ASIC2: variants seen among roughly 807,000 people sequenced by gnomAD.
ASIC2 encodes the protein acid sensing ion channel subunit 2, also known as acid-sensing ion channel 2.
In ASIC2, 25 loss-of-function variants were observed where a neutral mutation model predicts 57.3. The ratio of observed to expected loss-of-function variants is 0.44; its 90% CI spans 0.32 to 0.61. The LOEUF (loss-of-function observed/expected upper bound fraction) is 0.61, where lower values mean the gene tolerates loss of function less well. Among genes scored for constraint, ASIC2 ranks in the 20% least tolerant of loss-of-function variants. ASIC2 has a pLI of 0.06. For missense variants in ASIC2, 641 were observed against 738.1 expected (o/e 0.87, Z 1.52); for synonymous variants, 319 against 307.5 (o/e 1.04, Z -0.39).
rs1165800249 is a variant in ASIC2 at position 33,397,986 on chromosome 17, C to T, written c.556-285919G>A. On this transcript the variant is annotated intron_variant, in intron 1 of 9. Transcript: ENST00000359872. ...ATCAGGATCATAGTGGAAAAAAAAT[C>T]TTAGAGTGTGAAGTTTCACATGATG... Among the ~76,000 whole-genome samples, 3 of 152,200 alleles carry T rather than the reference C, an allele frequency of 2.0e-5. No individual in the cohort carries two copies. In the East Asian group the frequency reaches 5.8e-4, roughly 29 times the overall value.
intron 1 of ASIC2, among the ~76,000 whole-genome samples, chr17:33,154,739 T>C (rs1397782817): frequency 6.6e-6 from 1 of 152,210 alleles, no homozygotes; most frequent in East Asian, 1.9e-4. Flanking sequence ...CCAAACATGC[T>C]TGGAGCTTTT....
chr17:33,525,524 G>A (rs1914862276), intron 1 of ASIC2, among the ~76,000 whole-genome samples: 1 of 152,202 alleles, frequency 6.6e-6, no homozygotes, highest in Admixed American at 6.5e-5. Flanking sequence ...CCAACCTGGT[G>A]TAATTCCAGC....
intron 1 of ASIC2, among the ~76,000 whole-genome samples, chr17:33,757,927 G>A (rs943720025): frequency 6.6e-6 from 1 of 152,206 alleles, no homozygotes; most frequent in Non-Finnish European, 1.5e-5. Context: ...GAGGGTATGA[G>A]CTGCAGAAGC....
intron 1 of ASIC2, among the ~76,000 whole-genome samples, chr17:33,729,870 C>G (rs1427168877): frequency 6.6e-6 from 1 of 152,000 alleles, no homozygotes; most frequent in East Asian, 1.9e-4. Flanking sequence ...AGAAGTTAAC[C>G]CTAATTATTC....
chr17:33,199,147 AC>A (rs1417846136), intron 1 of ASIC2, among the ~76,000 whole-genome samples: 5 of 152,250 alleles, frequency 3.3e-5, no homozygotes, highest in Non-Finnish European at 7.3e-5. Context: ...TGGGCTGATA[AC>A]CATTTCGGGC....
In ASIC2 at chr17:33,960,334, A is replaced by G. The variant is rs1381657143; in HGVS notation, c.555+195644T>C. Reference sequence around the variant, plus strand: ...AAATCTAGATCTGCCTGGATGCTTCAATCTTTGCACCAATACATTTCCTTT... The same window carrying G: ...AAATCTAGATCTGCCTGGATGCTTCGATCTTTGCACCAATACATTTCCTTT... On this transcript the variant is annotated intron_variant, in intron 1 of 9. Coordinates refer to the ASIC2 transcript ENST00000359872. 2.0e-5 allele frequency among the ~76,000 whole-genome samples: 3 copies of G among 152,190 alleles called. No individual in the cohort carries two copies. In the East Asian group the frequency reaches 5.8e-4, roughly 29 times the overall value.
intron 1 of ASIC2, among the ~76,000 whole-genome samples, chr17:34,120,662 A>T (rs1016660336): frequency 6.7e-6 from 1 of 150,196 alleles, no homozygotes; most frequent in Non-Finnish European, 1.5e-5. Flanking sequence ...GTACTAGTTA[A>T]GACAAGGTTA....
chr17:33,760,282 A>C (rs769892041), intron 1 of ASIC2, among the ~76,000 whole-genome samples: 23 of 151,846 alleles, frequency 1.5e-4, no homozygotes, highest in Non-Finnish European at 3.1e-4. Flanking sequence ...ATTTTATGGA[A>C]TATATATATA....
At chr17:33,568,793 T>C (rs144415971) in intron 1 of ASIC2, among the ~76,000 whole-genome samples, 4 of 152,290 alleles carry the variant, frequency 2.6e-5, no homozygotes, top group African/African-American at 9.6e-5. Flanking sequence ...TTACATATAG[T>C]TAGCAATCAA....
At chr17:33,367,424 T>C (rs1441826700) in intron 1 of ASIC2, among the ~76,000 whole-genome samples, 1 of 152,218 alleles carries the variant, frequency 6.6e-6, no homozygotes, top group Non-Finnish European at 1.5e-5. Context: ...ATCTTTCCAC[T>C]GCTTCTCTCT....
chr17:33,807,716 C>T (rs934944353), intron 1 of ASIC2, among the ~76,000 whole-genome samples: 2 of 152,194 alleles, frequency 1.3e-5, no homozygotes, highest in Non-Finnish European at 2.9e-5. Flanking sequence ...ACTTTTAAAC[C>T]TGCAAATCCA....
chr17:34,037,360 G>C, intron 1 of ASIC2: 1 of 388,284 alleles, frequency 2.6e-6, no homozygotes, highest in East Asian at 4.5e-5. Flanking sequence ...TCCTCACTCA[G>C]AGCAGCCACA....
At chr17:33,105,429 G>A (rs2092231053) in intron 2 of ASIC2, among the ~76,000 whole-genome samples, 1 of 152,206 alleles carries the variant, frequency 6.6e-6, no homozygotes, top group African/African-American at 2.4e-5. Flanking sequence ...CAGCTATGTG[G>A]AACTGTGAGT....
chr17:33,133,404 G>A (rs935570006), intron 1 of ASIC2, among the ~76,000 whole-genome samples: 1 of 152,186 alleles, frequency 6.6e-6, no homozygotes, highest in Non-Finnish European at 1.5e-5. Flanking sequence ...GGTAAAGGTG[G>A]ATTGAGCCAG....
intron 1 of ASIC2, among the ~76,000 whole-genome samples, chr17:33,718,104 G>A (rs1326204028): frequency 2.0e-5 from 3 of 152,096 alleles, no homozygotes; most frequent in Admixed American, 2.0e-4. Context: ...GAATGCTCAA[G>A]TCCCTTATAT....
intron 1 of ASIC2, among the ~76,000 whole-genome samples, chr17:33,738,819 G>A (rs1910007712): frequency 1.3e-5 from 2 of 152,226 alleles, no homozygotes; most frequent in Admixed American, 1.3e-4. Context: ...AAGTCTTTGT[G>A]TGGCTTAGGT....
chr17:33,905,585 T>C (rs569969562), intron 1 of ASIC2, among the ~76,000 whole-genome samples: 1 of 152,268 alleles, frequency 6.6e-6, no homozygotes, highest in Admixed American at 6.5e-5. Context: ...GTAGGGATGC[T>C]AGGGAGAGTA....
At chr17:33,200,052 A>G (rs1906796048) in intron 1 of ASIC2, among the ~76,000 whole-genome samples, 1 of 152,114 alleles carries the variant, frequency 6.6e-6, no homozygotes, top group East Asian at 1.9e-4. Flanking sequence ...TCTTCCTGGA[A>G]TATCTTCCAC....
intron 1 of ASIC2, among the ~76,000 whole-genome samples, chr17:33,766,965 G>A (rs62055822): frequency 0.1 from 15,205 of 152,204 alleles, 912 homozygotes; most frequent in African/African-American, 0.16. Flanking sequence ...CAGCCCAGCC[G>A]GCTTTGCTTA....
Sources: gnomAD v4.1 joint callset for allele counts (sites outside exome capture counted in the v4.1 genomes callset) on GRCh38, gnomAD v4.1.1 for gene constraint, MANE v1.5 for transcripts, NCBI Gene and HGNC (gene_info 2026-07-23, HGNC 2026-07-21) for gene names.